The following DNM3 variants were observed in gnomAD, a reference collection of about 807,000 sequenced individuals.
The protein encoded by DNM3 is dynamin 3, also known as dynamin-3.
DNM3 carries 47 observed loss-of-function variants against 101.6 expected under a neutral mutation model. The ratio of observed to expected loss-of-function variants is 0.46; its 90% confidence interval spans 0.37 to 0.59. The LOEUF (loss-of-function observed/expected upper bound fraction) is 0.59. Among genes scored for constraint, DNM3 ranks in the 20% least tolerant of loss-of-function variants. The probability of loss-of-function intolerance (pLI) is 0.00; values close to 1 mark genes in which losing one functional copy is unlikely to be tolerated. For synonymous variants in DNM3, 385 were observed against 387.9 expected (o/e 0.99, Z 0.09); for missense variants, 849 against 1,085.7 (o/e 0.78, Z 3.06).
At chr1:171,902,537 A>C (rs752634833) in intron 1 of DNM3, among the ~76,000 whole-genome samples, 6 of 152,116 alleles carry the variant, frequency 3.9e-5, no homozygotes, top group Non-Finnish European at 5.9e-5. Context: ...TTTGTTGTTG[A>C]CTCTACAGAA....
chr1:172,068,772 A>G, intron 10 of DNM3, 47 bp from the exon 11 acceptor site: 1 of 1,430,564 alleles, frequency 7.0e-7, no homozygotes. Context: ...CTTTTTTGGT[A>G]GTGTAACTTT....
intron 1 of DNM3, among the ~76,000 whole-genome samples, chr1:171,851,871 A>G (rs1391095304): frequency 6.6e-6 from 1 of 152,276 alleles, no homozygotes; most frequent in Non-Finnish European, 1.5e-5. Context: ...GCATATTTGT[A>G]TATGCATACT....
At chr1:172,211,395 C>T (rs1037269979) in intron 14 of DNM3, among the ~76,000 whole-genome samples, 4 of 152,074 alleles carry the variant, frequency 2.6e-5, no homozygotes, top group African/African-American at 9.7e-5. Flanking sequence ...AAAGTCTCTC[C>T]TGGATGTCTG....
At chr1:171,938,332 G>A (rs1025380898) in intron 2 of DNM3, among the ~76,000 whole-genome samples, 2 of 151,864 alleles carry the variant, frequency 1.3e-5, no homozygotes, top group African/African-American at 4.8e-5. Flanking sequence ...CTATCCTACT[G>A]AAATCCCTGT....
intron 14 of DNM3, among the ~76,000 whole-genome samples, chr1:172,242,005 TA>T (rs1226990977): frequency 6.6e-6 from 1 of 152,198 alleles, no homozygotes; most frequent in Non-Finnish European, 1.5e-5. Flanking sequence ...TTGTCTAATC[TA>T]TTAAGATTCT....
intron 20 of DNM3, among the ~76,000 whole-genome samples, chr1:172,398,823 T>C (rs996588403): frequency 6.6e-6 from 1 of 152,232 alleles, no homozygotes; most frequent in East Asian, 1.9e-4. Flanking sequence ...TTGGTCTGAA[T>C]TGGTCTAGTT....
At chr1:172,050,217 C>T (rs2050110727) in intron 10 of DNM3, among the ~76,000 whole-genome samples, 1 of 152,144 alleles carries the variant, frequency 6.6e-6, no homozygotes, top group Non-Finnish European at 1.5e-5. Flanking sequence ...CTATCGTGTC[C>T]CTTGTACATT....
chr1:172,328,681 A>G (rs978052065), intron 17 of DNM3, among the ~76,000 whole-genome samples: 1 of 152,120 alleles, frequency 6.6e-6, no homozygotes, highest in African/African-American at 2.4e-5. Context: ...AAAATTTCCT[A>G]TCAGGTACTA....
intron 13 of DNM3, among the ~76,000 whole-genome samples, chr1:172,104,881 G>A (rs1365372548): frequency 6.6e-6 from 1 of 152,174 alleles, no homozygotes; most frequent in Non-Finnish European, 1.5e-5. Flanking sequence ...GAGGCTAAGA[G>A]CATAGAATCT....
intron 2 of DNM3, among the ~76,000 whole-genome samples, chr1:171,985,336 T>G (rs887532627): frequency 6.6e-6 from 1 of 152,246 alleles, no homozygotes; most frequent in Non-Finnish European, 1.5e-5. Context: ...TCGTATTGTT[T>G]TGTCCTCTAC....
chr1:172,143,372 G>T (rs1370760947), intron 14 of DNM3, among the ~76,000 whole-genome samples: 2 of 152,162 alleles, frequency 1.3e-5, no homozygotes, highest in Non-Finnish European at 2.9e-5. Flanking sequence ...AATTAGGGAT[G>T]AGGCAATAAC....
At chr1:172,139,079 A>ATT in intron 14 of DNM3, 1 of 352,462 alleles carries the variant, frequency 2.8e-6, no homozygotes, top group Non-Finnish European at 5.6e-6. Context: ...CAGAAAGTAC[A>ATT]TTTATACATT....
At chr1:172,072,661 G>A (rs1022107136) in intron 11 of DNM3, among the ~76,000 whole-genome samples, 1 of 152,224 alleles carries the variant, frequency 6.6e-6, no homozygotes, top group Non-Finnish European at 1.5e-5. Flanking sequence ...GCCAAGGTGG[G>A]TGGATCACCT....
At chr1:172,116,303 T>C (rs943347449) in intron 13 of DNM3, among the ~76,000 whole-genome samples, 2 of 152,216 alleles carry the variant, frequency 1.3e-5, no homozygotes, top group African/African-American at 4.8e-5. Context: ...CATATGATCA[T>C]TCTAAAGAGA....
intron 1 of DNM3, among the ~76,000 whole-genome samples, chr1:171,899,940 G>A (rs916132428): frequency 6.6e-6 from 1 of 152,200 alleles, no homozygotes; most frequent in African/African-American, 2.4e-5. Context: ...AAGGGAGAAG[G>A]TACACCAGAT....
At chr1:172,122,838 A>G in intron 13 of DNM3, among the ~76,000 whole-genome samples, 1 of 152,210 alleles carries the variant, frequency 6.6e-6, no homozygotes, top group East Asian at 1.9e-4. Flanking sequence ...AGACCTGTTT[A>G]TTACAAACAT....
intron 13 of DNM3, among the ~76,000 whole-genome samples, chr1:172,104,055 TCTC>T (rs1186516441): frequency 6.6e-6 from 1 of 152,196 alleles, no homozygotes; most frequent in African/African-American, 2.4e-5. Context: ...TGGTATCCCT[TCTC>T]CTATGAAATG....
intron 17 of DNM3, among the ~76,000 whole-genome samples, chr1:172,330,493 T>A (rs1223564991): frequency 6.6e-6 from 1 of 152,056 alleles, no homozygotes; most frequent in African/African-American, 2.4e-5. Flanking sequence ...GGGTACAAAA[T>A]ACCCATGTAA....
At chr1:172,270,847 AAC>A (rs1395640405) in intron 15 of DNM3, among the ~76,000 whole-genome samples, 1 of 152,082 alleles carries the variant, frequency 6.6e-6, no homozygotes, top group Non-Finnish European at 1.5e-5. Context: ...GGTATAAAGG[AAC>A]AGTTTCAAAA....
Sources: allele counts gnomAD v4.1 joint callset (sites outside exome capture counted in the v4.1 genomes callset), GRCh38; gene constraint gnomAD v4.1.1; transcripts MANE v1.5; gene names NCBI Gene and HGNC (gene_info 2026-07-23, HGNC 2026-07-21).